PRH1: variants seen among roughly 807,000 people sequenced by gnomAD.
PRH1 encodes the protein salivary acidic proline-rich phosphoprotein 1/2.
PRH1 carries 7 observed loss-of-function variants against 7.9 expected under a neutral mutation model. That is an observed-to-expected ratio of 0.89 (90% CI 0.50 to 1.67). PRH1 has a LOEUF of 1.67. Among genes scored for constraint, PRH1 ranks in the 40% most tolerant of loss-of-function variants. PRH1 has a pLI of 0.00. For missense variants in PRH1, 109 were observed against 223.6 expected (o/e 0.49, Z 3.27); for synonymous variants, 45 against 80.8 (o/e 0.56, Z 2.38).
chr12:11,083,616 T>C (rs1421618576), intron 1 of PRH1, among the ~76,000 whole-genome samples: 2 of 152,150 alleles, frequency 1.3e-5, no homozygotes, highest in Non-Finnish European at 2.9e-5. Flanking sequence ...TTCCACATCA[T>C]GGTCATAAAG....
chr12:11,082,277 G>A (rs1944523040), intron 1 of PRH1, among the ~76,000 whole-genome samples: 1 of 114,972 alleles, frequency 8.7e-6, no homozygotes, highest in East Asian at 2.1e-4. Context: ...AGGTTGGTGG[G>A]AGAACACTAT....
At chr12:10,942,788 C>T (rs1186031057) in intron 2 of PRH1, among the ~76,000 whole-genome samples, 2 of 152,216 alleles carry the variant, frequency 1.3e-5, no homozygotes, top group Non-Finnish European at 2.9e-5. Flanking sequence ...CTCTCTGTGG[C>T]ATTTCCCTCT....
chr12:11,014,738 G>A (rs1475555407), intron 1 of PRH1, among the ~76,000 whole-genome samples: 18 of 152,120 alleles, frequency 1.2e-4, no homozygotes, highest in African/African-American at 9.7e-5. Context: ...GTATTCATAC[G>A]GTGCTTTCTC....
intron 1 of PRH1, chr12:11,047,010 T>TTTGAC: frequency 2.0e-6 from 1 of 504,260 alleles, no homozygotes; most frequent in Non-Finnish European, 4.1e-6. Context: ...GTCTAAGTGC[T>TTTGAC]TTGACTCACC....
At chr12:11,036,442 G>C (rs540696884) in intron 1 of PRH1, among the ~76,000 whole-genome samples, 6 of 152,178 alleles carry the variant, frequency 3.9e-5, no homozygotes, top group Non-Finnish European at 8.8e-5. Flanking sequence ...ACTCAAGTGT[G>C]ACAGAAGATC....
intron 3 of PRH1, among the ~76,000 whole-genome samples, chr12:10,881,591 A>G (rs572271736): frequency 6.6e-6 from 1 of 152,378 alleles, no homozygotes; most frequent in African/African-American, 2.4e-5. Context: ...TTGTAATAAA[A>G]GCATTATATA....
intron 2 of PRH1, among the ~76,000 whole-genome samples, chr12:10,904,094 G>A (rs1295655185): frequency 3.3e-5 from 5 of 151,454 alleles, no homozygotes; most frequent in East Asian, 1.9e-4. Context: ...ATGGTTGTAC[G>A]GCCCAAAGCA....
chr12:11,067,489 G>T (rs1943875626), intron 1 of PRH1, among the ~76,000 whole-genome samples: 1 of 152,142 alleles, frequency 6.6e-6, no homozygotes, highest in South Asian at 2.1e-4. Context: ...AAGTTTTGAT[G>T]TTTCAAATTC....
At chr12:10,977,603 A>G (rs1939164619) in intron 1 of PRH1, among the ~76,000 whole-genome samples, 1 of 152,226 alleles carries the variant, frequency 6.6e-6, no homozygotes, top group Non-Finnish European at 1.5e-5. Context: ...AAGTAGGAAG[A>G]GAAGAAGTCA....
chr12:11,012,795 C>T (rs1376250), intron 1 of PRH1, among the ~76,000 whole-genome samples: 66,613 of 151,880 alleles, frequency 0.44, 15,441 homozygotes, highest in Non-Finnish European at 0.51. Context: ...TGGGCTCATA[C>T]GATCTTCCCA....
rs560133729 is a variant in PRH1 at position 11,021,757 on chromosome 12, G to A, written c.-126+25263C>T. ...AATCAGGATGAATGAGTGGAATGAAGGATACATGATTGCAACAGTTTGGCA... is the reference window on the plus strand; with the variant it reads ...AATCAGGATGAATGAGTGGAATGAAAGATACATGATTGCAACAGTTTGGCA... On this transcript the variant is annotated intron_variant, in intron 1 of 3. Coordinates refer to the PRH1 transcript ENST00000539853. 9.9e-6 allele frequency: 16 copies of A among 1,614,196 alleles called. 1 individual carries two copies. The African/African-American group carries it at 2.0e-4, about 20-fold the overall frequency.
rs185037178 is a variant in PRH1, at chr12:11,090,532, C to G, written n.124-43344G>C. ...ACTGCATATGCATAACTGATGATACCAATCAAGATCATGATCATGATGTTT... is the reference window on the plus strand; with the variant it reads ...ACTGCATATGCATAACTGATGATACGAATCAAGATCATGATCATGATGTTT... On this transcript the variant is annotated intron_variant and non_coding_transcript_variant, in intron 1 of 4. Coordinates refer to the PRH1 transcript ENST00000541977. Among the ~76,000 whole-genome samples the G allele has an allele frequency of 3.5e-5, 4 of 114,542 alleles. 1 individual carries two copies. The highest frequency in any genetic ancestry group is 1.2e-4 in the African/African-American group (4 of 34,376). The allele number at this position is 114,542 out of a possible 152,430, so 75.1% of individuals were successfully genotyped here.
intron 1 of PRH1, among the ~76,000 whole-genome samples, chr12:10,984,328 T>C (rs1030965658): frequency 1.3e-5 from 2 of 152,202 alleles, no homozygotes; most frequent in Non-Finnish European, 2.9e-5. Context: ...TCCCCTACAA[T>C]TGTATAATGG....
intron 1 of PRH1, among the ~76,000 whole-genome samples, chr12:11,137,009 T>C (rs989478897): frequency 2.0e-5 from 3 of 152,236 alleles, no homozygotes; most frequent in African/African-American, 7.2e-5. Context: ...AATCATGGTC[T>C]AGGCATTCTC....
intron 1 of PRH1, among the ~76,000 whole-genome samples, chr12:10,982,781 A>G (rs1472550672): frequency 6.6e-6 from 1 of 152,020 alleles, no homozygotes; most frequent in Non-Finnish European, 1.5e-5. Flanking sequence ...TCAAAGACCT[A>G]TAACATAGAT....
chr12:10,932,356 ACT>A (rs1950226161), intron 2 of PRH1: 1 of 284,634 alleles, frequency 3.5e-6, no homozygotes, highest in Non-Finnish European at 8.0e-6. Context: ...AGTGTTTGGG[ACT>A]CTGGAATCTG....
At chr12:10,921,037 C>A (rs1950037771) in intron 2 of PRH1, among the ~76,000 whole-genome samples, 1 of 151,884 alleles carries the variant, frequency 6.6e-6, no homozygotes, top group Admixed American at 6.6e-5. Flanking sequence ...TAGAATGAAT[C>A]TTTTCATTTG....
At chr12:11,129,138 C>T (rs575414501) in intron 1 of PRH1, among the ~76,000 whole-genome samples, 1 of 152,392 alleles carries the variant, frequency 6.6e-6, no homozygotes, top group African/African-American at 2.4e-5. Context: ...GCACAGGGAA[C>T]TCCTGCTCTC....
In PRH1 at chr12:10,884,251, G is replaced by T; in HGVS notation, c.-34C>A. On this transcript the variant is annotated 5_prime_UTR_variant, in exon 1 of 4. Transcript: ENST00000543626. ...AGGCTCTGGTGTCACTCCCAACTTT[G>T]TGCTGGGAGAAACGTGTCAGCTCCC... The T allele has an allele frequency of 6.2e-7, 1 of 1,613,878 alleles. No homozygotes were observed. The highest frequency in any genetic ancestry group is 8.5e-7 in the Non-Finnish European group (1 of 1,179,722).
Sources: gnomAD v4.1 joint callset for allele counts (sites outside exome capture counted in the v4.1 genomes callset) on GRCh38, gnomAD v4.1.1 for gene constraint, MANE v1.5 for transcripts, NCBI Gene and HGNC (gene_info 2026-07-23, HGNC 2026-07-21) for gene names.